The following PALM2AKAP2 variants were observed in gnomAD, a reference collection of about 807,000 sequenced individuals.
The protein encoded by PALM2AKAP2 is PALM2 and AKAP2 fusion.
PALM2AKAP2 carries 37 observed loss-of-function variants against 71.5 expected under a neutral mutation model. The ratio of observed to expected loss-of-function variants is 0.52; its 90% confidence interval spans 0.40 to 0.68. PALM2AKAP2 has a LOEUF of 0.68. Among genes scored for constraint, PALM2AKAP2 ranks in the 30% least tolerant of loss-of-function variants. PALM2AKAP2 has a pLI of 0.00. For synonymous variants in PALM2AKAP2, 468 were observed against 478.8 expected (o/e 0.98, Z 0.29); for missense variants, 1,224 against 1,191.8 (o/e 1.03, Z -0.40).
chr9:109,764,637 G>A (rs1157363028), intron 1 of PALM2AKAP2, among the ~76,000 whole-genome samples: 1 of 152,122 alleles, frequency 6.6e-6, no homozygotes, highest in African/African-American at 2.4e-5. Flanking sequence ...TGCCCCTTGA[G>A]AGTTGCACCT....
At chr9:109,933,329 T>C (rs1238445938) in intron 6 of PALM2AKAP2, among the ~76,000 whole-genome samples, 1 of 152,138 alleles carries the variant, frequency 6.6e-6, no homozygotes, top group Non-Finnish European at 1.5e-5. Flanking sequence ...TAAAATGTGT[T>C]TAAGAGTGAC....
chr9:110,096,049 C>T (rs1406618677), intron 1 of PALM2AKAP2, among the ~76,000 whole-genome samples: 1 of 152,124 alleles, frequency 6.6e-6, no homozygotes, highest in Non-Finnish European at 1.5e-5. Context: ...TCCATGATAC[C>T]CTTTTCTATG....
At chr9:110,135,802 G>A (rs868171145) in intron 1 of PALM2AKAP2, among the ~76,000 whole-genome samples, 3 of 152,096 alleles carry the variant, frequency 2.0e-5, no homozygotes, top group African/African-American at 4.8e-5. Context: ...ATTAATAGTC[G>A]TATTGCACAG....
intron 1 of PALM2AKAP2, among the ~76,000 whole-genome samples, chr9:110,049,652 G>T (rs1833670734): frequency 6.6e-6 from 1 of 152,184 alleles, no homozygotes; most frequent in African/African-American, 2.4e-5. Flanking sequence ...GTGGGGGAGA[G>T]CACTGGGCAA....
At chr9:109,783,164 G>C (rs763204478) in intron 1 of PALM2AKAP2, among the ~76,000 whole-genome samples, 3 of 152,042 alleles carry the variant, frequency 2.0e-5, no homozygotes, top group Admixed American at 6.6e-5. Flanking sequence ...TCTACCTCCT[G>C]GGCTGGTTGT....
intron 7 of PALM2AKAP2, among the ~76,000 whole-genome samples, chr9:110,032,319 G>T (rs1588068354): frequency 6.6e-6 from 1 of 152,158 alleles, no homozygotes; most frequent in Non-Finnish European, 1.5e-5. Context: ...AGCACTTTGG[G>T]AGGCTGAGGC....
At chr9:109,857,107 T>C (rs1307842519) in intron 1 of PALM2AKAP2, among the ~76,000 whole-genome samples, 1 of 152,112 alleles carries the variant, frequency 6.6e-6, no homozygotes, top group Admixed American at 6.5e-5. Flanking sequence ...TGGCACGTCT[T>C]CCTAAGACAG....
At chr9:110,055,410 G>C (rs1376095922) in intron 1 of PALM2AKAP2, among the ~76,000 whole-genome samples, 2 of 152,078 alleles carry the variant, frequency 1.3e-5, no homozygotes, top group African/African-American at 2.4e-5. Context: ...GTCCAGGCTG[G>C]TCTCAAATTC....
At chr9:110,160,491 A>C (rs539444240) in intron 3 of PALM2AKAP2, among the ~76,000 whole-genome samples, 1 of 152,308 alleles carries the variant, frequency 6.6e-6, no homozygotes, top group East Asian at 1.9e-4. Flanking sequence ...GACCTGGAAG[A>C]CATTTGGATC....
chr9:109,877,627 G>A (rs1242306970), intron 2 of PALM2AKAP2, among the ~76,000 whole-genome samples: 4 of 152,188 alleles, frequency 2.6e-5, no homozygotes, highest in Non-Finnish European at 5.9e-5. Flanking sequence ...TACTAAGTAT[G>A]TGTGTGGCCC....
intron 1 of PALM2AKAP2, among the ~76,000 whole-genome samples, chr9:110,068,546 T>C (rs940457563): frequency 2.1e-5 from 3 of 142,378 alleles, no homozygotes; most frequent in African/African-American, 8.8e-5. Context: ...TAATTTTTTT[T>C]TGAGACAGGG....
At chr9:110,157,316 T>C (rs1264431175) in intron 3 of PALM2AKAP2, among the ~76,000 whole-genome samples, 1 of 152,198 alleles carries the variant, frequency 6.6e-6, no homozygotes, top group Non-Finnish European at 1.5e-5. Flanking sequence ...TTGAGGATCC[T>C]ACTGAGTTTA....
At chr9:109,774,638 G>T (rs1829323476) in intron 1 of PALM2AKAP2, among the ~76,000 whole-genome samples, 1 of 151,458 alleles carries the variant, frequency 6.6e-6, no homozygotes. Flanking sequence ...TGGGAGGAAT[G>T]TTAAGAATAC....
At chr9:110,167,418 C>A (rs1159426979) in intron 3 of PALM2AKAP2, among the ~76,000 whole-genome samples, 1 of 152,202 alleles carries the variant, frequency 6.6e-6, no homozygotes, top group Non-Finnish European at 1.5e-5. Flanking sequence ...TCTGCATGGT[C>A]ATGAAATAGA....
At position 109,896,478 on chromosome 9, in the gene PALM2AKAP2, C is replaced by T. The variant is rs1004719995; in HGVS notation, c.257+15797C>T. On this transcript the variant is annotated intron_variant, in intron 3 of 9. Transcript: ENST00000302798. ...GAAGGTGGCACTTAGATTCCAAGTGCGTCCTGTGTGCAGTGGAGTCATATG... is the reference window on the plus strand; with the variant it reads ...GAAGGTGGCACTTAGATTCCAAGTGTGTCCTGTGTGCAGTGGAGTCATATG... Among the ~76,000 whole-genome samples, 5 of 152,210 alleles carry T rather than the reference C, an allele frequency of 3.3e-5. No homozygotes were observed. The South Asian group carries it at 6.2e-4, about 19-fold the overall frequency.
intron 3 of PALM2AKAP2, among the ~76,000 whole-genome samples, chr9:110,168,030 C>T (rs923507270): frequency 1.3e-5 from 2 of 152,190 alleles, no homozygotes; most frequent in Non-Finnish European, 2.9e-5. Flanking sequence ...AGCAGAGATA[C>T]GTTTTCATCA....
intron 6 of PALM2AKAP2, among the ~76,000 whole-genome samples, chr9:109,982,443 A>G (rs1832294056): frequency 6.6e-6 from 1 of 152,256 alleles, no homozygotes; most frequent in African/African-American, 2.4e-5. Context: ...ACGTTTTAAA[A>G]TAACTAAGAG....
Position 109,677,667 on chromosome 9 carries a change from C to CAA in PALM2AKAP2, c.5+36817_5+36818dup, listed in dbSNP as rs33952632. Among the ~76,000 whole-genome samples the CAA allele has an allele frequency of 4.2e-3, 414 of 98,668 alleles. 5 individuals are homozygous for CAA. The highest frequency in any genetic ancestry group is 0.04 in the South Asian group (119 of 2,942). 64.7% of individuals were successfully genotyped at this position (98,668 alleles called of 152,430 possible). A position where few individuals can be genotyped will look rare whatever the true frequency, so the allele number is the denominator to read the frequency against. ...TGGGTAACAGAGTGGGACTCTGTCT[C>CAA]AAAAAAAAAAAAAAAAAGAATTTTT... On this transcript the variant is annotated intron_variant, in intron 1 of 6. Coordinates refer to the PALM2AKAP2 transcript ENST00000374531.
intron 1 of PALM2AKAP2, among the ~76,000 whole-genome samples, chr9:109,686,405 T>A (rs1214009924): frequency 6.6e-6 from 1 of 152,246 alleles, no homozygotes; most frequent in African/African-American, 2.4e-5. Flanking sequence ...GGCTGCAGAA[T>A]GCACATTGTG....
Sources: allele counts gnomAD v4.1 joint callset (sites outside exome capture counted in the v4.1 genomes callset), GRCh38; gene constraint gnomAD v4.1.1; transcripts MANE v1.5; gene names NCBI Gene and HGNC (gene_info 2026-07-23, HGNC 2026-07-21).